The following SCAMP1 variants were observed in gnomAD, a reference collection of about 807,000 sequenced individuals.
The protein encoded by SCAMP1 is secretory carrier-associated membrane protein 1.
A neutral mutation model predicts 41.8 loss-of-function variants in SCAMP1; 15 were observed. The observed-to-expected ratio is 0.36, with a 90% CI of 0.24 to 0.55. The LOEUF is 0.55. Ranked by LOEUF, SCAMP1 falls within the 20% of genes least tolerant of loss-of-function variation. The pLI, the probability that SCAMP1 is intolerant of heterozygous loss-of-function variation, is 0.86. For synonymous variants in SCAMP1, 135 were observed against 136.8 expected, an observed-to-expected ratio of 0.99 and a Z score of 0.09; for missense variants, 341 against 412.6, an observed-to-expected ratio of 0.83 and a Z score of 1.50.
intron 1 of SCAMP1, among the ~76,000 whole-genome samples, chr5:78,382,769 AT>A (rs1400462255): frequency 3.7e-5 from 5 of 135,618 alleles, no homozygotes; most frequent in Non-Finnish European, 7.7e-5. Context: ...GCTGAGTAGT[AT>A]TCCATGGTGT....
intron 6 of SCAMP1, among the ~76,000 whole-genome samples, chr5:78,444,135 T>C (rs1443728695): frequency 6.6e-6 from 1 of 152,148 alleles, no homozygotes; most frequent in Non-Finnish European, 1.5e-5. Context: ...CAGCATAAAG[T>C]TACTAAAGAG....
chr5:78,431,563 T>A (rs1752624411), intron 6 of SCAMP1, among the ~76,000 whole-genome samples: 1 of 141,020 alleles, frequency 7.1e-6, no homozygotes, highest in African/African-American at 2.8e-5. Context: ...ATCAGTTGAG[T>A]ATCTGTTAAT....
chr5:78,388,577 A>G (rs1323755259), intron 1 of SCAMP1, among the ~76,000 whole-genome samples: 9 of 152,190 alleles, frequency 5.9e-5, no homozygotes, highest in African/African-American at 1.2e-4. Context: ...GAGGTGGTCT[A>G]CTTTTTATCT....
chr5:78,410,222 A>G (rs930774881), intron 2 of SCAMP1, among the ~76,000 whole-genome samples: 6 of 151,838 alleles, frequency 4.0e-5, no homozygotes, highest in African/African-American at 9.7e-5. Context: ...GCACAGATCA[A>G]CCCATCACCT....
At chr5:78,464,222 C>T (rs1240584667) in intron 8 of SCAMP1, among the ~76,000 whole-genome samples, 1 of 152,092 alleles carries the variant, frequency 6.6e-6, no homozygotes, top group Non-Finnish European at 1.5e-5. Flanking sequence ...CTGCTCACTG[C>T]AGCCTCCAAC....
intron 2 of SCAMP1, among the ~76,000 whole-genome samples, chr5:78,393,899 G>T (rs1751580532): frequency 1.3e-5 from 2 of 152,098 alleles, no homozygotes; most frequent in African/African-American, 2.4e-5. Flanking sequence ...GCTTTAGACA[G>T]AATTTTTTTT....
chr5:78,437,541 C>A (rs999956741), intron 6 of SCAMP1, among the ~76,000 whole-genome samples: 5 of 152,200 alleles, frequency 3.3e-5, no homozygotes, highest in African/African-American at 1.2e-4. Flanking sequence ...GTTGAACCAG[C>A]CTTGCATCCC....
chr5:78,440,892 T>C (rs900084032), intron 6 of SCAMP1, among the ~76,000 whole-genome samples: 6 of 152,224 alleles, frequency 3.9e-5, no homozygotes, highest in African/African-American at 1.4e-4. Flanking sequence ...CTTTACCTAC[T>C]CAAGCCTCAG....
At chr5:78,434,247 A>G (rs1752690107) in intron 6 of SCAMP1, among the ~76,000 whole-genome samples, 1 of 152,194 alleles carries the variant, frequency 6.6e-6, no homozygotes, top group South Asian at 2.1e-4. Flanking sequence ...GCAATGCATC[A>G]CAAGCTTTAG....
intron 1 of SCAMP1, among the ~76,000 whole-genome samples, chr5:78,379,456 A>T (rs1751144675): frequency 6.6e-6 from 1 of 152,178 alleles, no homozygotes; most frequent in Non-Finnish European, 1.5e-5. Flanking sequence ...TCCTAAATCT[A>T]GTGTCATTCT....
chr5:78,452,486 A>G (rs1228586507), intron 7 of SCAMP1, among the ~76,000 whole-genome samples: 5 of 123,080 alleles, frequency 4.1e-5, no homozygotes, highest in East Asian at 4.6e-4. Context: ...ATGATTTCCA[A>G]TTTCATCCAT....
chr5:78,436,576 G>T (rs983677426), intron 6 of SCAMP1, among the ~76,000 whole-genome samples: 6 of 152,126 alleles, frequency 3.9e-5, no homozygotes, highest in African/African-American at 1.2e-4. Context: ...CTGTTCCATT[G>T]GTCTAAATAT....
In SCAMP1 at chr5:78,393,211, C is replaced by G. The variant is rs558729279; in HGVS notation, c.135+4297C>G. ...ATATATTTAGAGATAGGGTCTCACT[C>G]TGTTGCCCAGGCTGAAGTGCAGTGG... On this transcript the variant is annotated intron_variant, in intron 2 of 8. Transcript: ENST00000621999. Among the ~76,000 whole-genome samples, 4 of 152,292 alleles carry G rather than the reference C, an allele frequency of 2.6e-5. No individual in the cohort carries two copies. In the South Asian group the frequency reaches 8.3e-4, roughly 32 times the overall value.
At chr5:78,462,233 T>C (rs1235738832) in intron 8 of SCAMP1, among the ~76,000 whole-genome samples, 1 of 140,194 alleles carries the variant, frequency 7.1e-6, no homozygotes, top group Non-Finnish European at 1.6e-5. Context: ...GTGTGTCTAT[T>C]GTAAATGGGA....
chr5:78,431,190 C>G (rs950817243), intron 6 of SCAMP1, among the ~76,000 whole-genome samples: 2 of 151,828 alleles, frequency 1.3e-5, no homozygotes, highest in Non-Finnish European at 2.9e-5. Context: ...AAAATTAACA[C>G]TCCTGCATGC....
chr5:78,400,184 T>C (rs561362315), intron 2 of SCAMP1, among the ~76,000 whole-genome samples: 13 of 152,350 alleles, frequency 8.5e-5, no homozygotes, highest in African/African-American at 3.1e-4. Flanking sequence ...ACTGTAGTTA[T>C]GTGGGTCTAT....
chr5:78,420,404 A>G (rs1004241785), intron 5 of SCAMP1, among the ~76,000 whole-genome samples: 2 of 152,244 alleles, frequency 1.3e-5, no homozygotes, highest in African/African-American at 4.8e-5. Flanking sequence ...AATGCTGCAG[A>G]GTAATAATTT....
intron 8 of SCAMP1, among the ~76,000 whole-genome samples, chr5:78,470,401 A>G (rs1753858385): frequency 6.6e-6 from 1 of 152,194 alleles, no homozygotes; most frequent in African/African-American, 2.4e-5. Context: ...GATATTTCAT[A>G]TAAATGGAGT....
intron 8 of SCAMP1, among the ~76,000 whole-genome samples, chr5:78,463,734 G>A (rs995530173): frequency 1.3e-5 from 2 of 152,204 alleles, no homozygotes; most frequent in African/African-American, 4.8e-5. Flanking sequence ...GGGGTGGGGA[G>A]TGAGGGTAAT....
Sources: allele counts gnomAD v4.1 joint callset (sites outside exome capture counted in the v4.1 genomes callset), GRCh38; gene constraint gnomAD v4.1.1; transcripts MANE v1.5; gene names NCBI Gene and HGNC (gene_info 2026-07-23, HGNC 2026-07-21).